The following CDH12 variants were observed in gnomAD, a reference collection of about 807,000 sequenced individuals.
The protein encoded by CDH12 is cadherin-12.
In CDH12, 41 loss-of-function variants were observed where a neutral mutation model predicts 74.1. The observed-to-expected ratio is 0.55, with a 90% CI of 0.43 to 0.72. The LOEUF (loss-of-function observed/expected upper bound fraction) is 0.72, where lower values mean the gene tolerates loss of function less well. CDH12 is among the 30% of genes least tolerant of loss of function. The pLI is 0.00. For missense variants in CDH12, 945 were observed against 977.2 expected (o/e 0.97, Z 0.44); for synonymous variants, 399 against 355.0 (o/e 1.12, Z -1.39).
intron 6 of CDH12, among the ~76,000 whole-genome samples, chr5:21,928,280 G>A (rs752553441): frequency 6.6e-5 from 10 of 151,996 alleles, no homozygotes; most frequent in Admixed American, 2.6e-4. Context: ...GAGGACAAAA[G>A]AAAAATGATC....
chr5:22,534,489 T>C (rs900576637), intron 1 of CDH12, among the ~76,000 whole-genome samples: 7 of 152,206 alleles, frequency 4.6e-5, no homozygotes, highest in African/African-American at 1.4e-4. Flanking sequence ...CTTTGAATAA[T>C]AGTCTAATCT....
In CDH12 at chr5:22,069,277, G is replaced by A. The variant is rs1417432256; in HGVS notation, c.231+9169C>T. Reference sequence around the variant, plus strand: ...ACCAGTCCAAAGCAGCTAGCTTGAAGGGAGGGTGAAATAGCCTTGTGAAGC... The same window carrying A: ...ACCAGTCCAAAGCAGCTAGCTTGAAAGGAGGGTGAAATAGCCTTGTGAAGC... On this transcript the variant is annotated intron_variant, in intron 5 of 14. Coordinates refer to ENST00000382254, the MANE Select transcript of CDH12 (RefSeq NM_004061.5). Among the ~76,000 whole-genome samples, 3 of 152,166 alleles carry A rather than the reference G, an allele frequency of 2.0e-5. No homozygotes were observed. In the East Asian group the frequency reaches 5.8e-4, roughly 29 times the overall value.
intron 11 of CDH12, among the ~76,000 whole-genome samples, chr5:21,782,357 T>C (rs1024925884): frequency 6.6e-6 from 1 of 152,202 alleles, no homozygotes; most frequent in Non-Finnish European, 1.5e-5. Flanking sequence ...GCTAAAGATA[T>C]CACGAAGATG....
rs1284182303 is a variant in CDH12, at chr5:22,022,275, G to GT, written c.232-46891dup. The stretch of plus-strand genomic sequence containing the variant: ...GGAGGTGATTTGATCATGGGGGTGG[G>GT]TTTTCCCCATGTACTTTTCATGATA... On this transcript the variant is annotated intron_variant, in intron 5 of 14. Transcript: ENST00000382254. Among the ~76,000 whole-genome samples the GT allele has an allele frequency of 6.6e-5, 10 of 152,174 alleles. No individual in the cohort carries two copies. The East Asian group carries it at 1.7e-3, about 26-fold the overall frequency.
At chr5:22,155,159 A>G (rs1003123870) in intron 4 of CDH12, among the ~76,000 whole-genome samples, 1 of 152,044 alleles carries the variant, frequency 6.6e-6, no homozygotes, top group Non-Finnish European at 1.5e-5. Context: ...CAACTAGACA[A>G]ACTCTCTGCT....
intron 3 of CDH12, among the ~76,000 whole-genome samples, chr5:22,403,734 G>C (rs1319730037): frequency 5.3e-5 from 8 of 152,160 alleles, no homozygotes; most frequent in Non-Finnish European, 1.2e-4. Flanking sequence ...AGCTTTATGA[G>C]GTTTTCGGTG....
chr5:22,606,660 C>A (rs2126820301), intron 1 of CDH12, among the ~76,000 whole-genome samples: 1 of 152,224 alleles, frequency 6.6e-6, no homozygotes, highest in East Asian at 1.9e-4. Flanking sequence ...AACCTCTTTC[C>A]TTTATAAATT....
chr5:22,413,406 A>G (rs1743242896), intron 2 of CDH12, among the ~76,000 whole-genome samples: 1 of 152,010 alleles, frequency 6.6e-6, no homozygotes. Context: ...CAGAATAACA[A>G]CAAGAAAGAG....
At chr5:22,596,132 A>C (rs1736594412) in intron 1 of CDH12, among the ~76,000 whole-genome samples, 1 of 149,970 alleles carries the variant, frequency 6.7e-6, no homozygotes, top group Non-Finnish European at 1.5e-5. Flanking sequence ...AATAAAAAAT[A>C]AAAATAATAA....
At chr5:22,723,175 C>A (rs1743985826) in intron 1 of CDH12, among the ~76,000 whole-genome samples, 1 of 152,116 alleles carries the variant, frequency 6.6e-6, no homozygotes, top group African/African-American at 2.4e-5. Flanking sequence ...GCAAGGCATG[C>A]TCATTTTAGA....
At chr5:22,014,194 T>C (rs1003310641) in intron 5 of CDH12, among the ~76,000 whole-genome samples, 25 of 152,116 alleles carry the variant, frequency 1.6e-4, no homozygotes, top group Non-Finnish European at 2.8e-4. Flanking sequence ...GCCACTGCAC[T>C]CCATCCAGCC....
chr5:21,871,549 A>G (rs1270346375), intron 6 of CDH12, among the ~76,000 whole-genome samples: 1 of 152,074 alleles, frequency 6.6e-6, no homozygotes, highest in Non-Finnish European at 1.5e-5. Context: ...CCTGACCAAC[A>G]TGGAGAAACC....
At chr5:22,446,138 T>C (rs1744807454) in intron 2 of CDH12, among the ~76,000 whole-genome samples, 1 of 152,074 alleles carries the variant, frequency 6.6e-6, no homozygotes, top group Non-Finnish European at 1.5e-5. Flanking sequence ...CTCTCAGCCT[T>C]TGGATTACTT....
intron 2 of CDH12, among the ~76,000 whole-genome samples, chr5:22,428,447 G>A (rs528005073): frequency 2.6e-3 from 388 of 149,718 alleles, no homozygotes; most frequent in African/African-American, 9.3e-3. Flanking sequence ...ATATATATAT[G>A]TGTGTGTGTG....
chr5:22,073,683 T>C (rs552666969), intron 5 of CDH12, among the ~76,000 whole-genome samples: 5 of 152,268 alleles, frequency 3.3e-5, no homozygotes, highest in African/African-American at 1.2e-4. Flanking sequence ...TTTATTTGTA[T>C]ACAAAGTAAA....
intron 1 of CDH12, among the ~76,000 whole-genome samples, chr5:22,849,472 C>T (rs1414025833): frequency 4.6e-5 from 7 of 152,056 alleles, no homozygotes; most frequent in Non-Finnish European, 7.4e-5. Context: ...TATTTAGCAT[C>T]GTGCTTTGCC....
intron 1 of CDH12, among the ~76,000 whole-genome samples, chr5:22,654,081 C>T (rs1739883912): frequency 7.1e-6 from 1 of 141,590 alleles, no homozygotes; most frequent in Non-Finnish European, 1.5e-5. Context: ...CTTCTCCCTT[C>T]CCCTTCCTTT....
chr5:22,046,999 T>C (rs911083476), intron 5 of CDH12, among the ~76,000 whole-genome samples: 1 of 152,190 alleles, frequency 6.6e-6, no homozygotes, highest in Non-Finnish European at 1.5e-5. Flanking sequence ...GTCTCAGAAA[T>C]GTTTGGTGGC....
At chr5:22,211,538 T>G (rs1751542561) in intron 4 of CDH12, among the ~76,000 whole-genome samples, 1 of 152,038 alleles carries the variant, frequency 6.6e-6, no homozygotes, top group African/African-American at 2.4e-5. Flanking sequence ...TATATTTACA[T>G]GCGCTTAGTA....
Sources: gnomAD v4.1 joint callset for allele counts (sites outside exome capture counted in the v4.1 genomes callset) on GRCh38, gnomAD v4.1.1 for gene constraint, MANE v1.5 for transcripts, NCBI Gene and HGNC (gene_info 2026-07-23, HGNC 2026-07-21) for gene names.